AHI1: variants seen among roughly 807,000 people sequenced by gnomAD.
The protein encoded by AHI1 is Abelson helper integration site 1.
A neutral mutation model predicts 149.3 loss-of-function variants in AHI1; 123 were observed. The ratio of observed to expected loss-of-function variants is 0.82; its 90% CI spans 0.71 to 0.96. AHI1 has a LOEUF of 0.96. AHI1 is among the 40% of genes least tolerant of loss of function. AHI1 has a pLI of 0.00. For synonymous variants in AHI1, 475 were observed against 459.8 expected (o/e 1.03, Z -0.42); for missense variants, 1,439 against 1,422.7 (o/e 1.01, Z -0.18).
Position 135,284,708 on chromosome 6 carries a change from T to C in AHI1, c.*937A>G, listed in dbSNP as rs187801413. Reference sequence around the variant, plus strand: ...AAGCCTTTTTTAAAAAGTAAAGACATTGGGAACATTGTTGCCAGTCCAGCC... The same window carrying C: ...AAGCCTTTTTTAAAAAGTAAAGACACTGGGAACATTGTTGCCAGTCCAGCC... On this transcript the variant is annotated 3_prime_UTR_variant, in exon 29 of 29. Coordinates refer to ENST00000265602, the MANE Select transcript of AHI1 (RefSeq NM_001134831.2). 1.3e-5 allele frequency: 2 copies of C among 152,196 alleles called. No individual in the cohort carries two copies. Among genetic ancestry groups the C allele is most frequent in the East Asian group, 3.9e-4 (2 of 5,188 alleles). The allele number at this position is 152,196 out of a possible 1,614,324, so 9.4% of individuals were successfully genotyped here. A position where few individuals can be genotyped will look rare whatever the true frequency, so the allele number is the denominator to read the frequency against.
intron 17 of AHI1, among the ~76,000 whole-genome samples, chr6:135,430,813 G>A (rs1784541911): frequency 6.6e-6 from 1 of 151,932 alleles, no homozygotes; most frequent in African/African-American, 2.4e-5. Flanking sequence ...AGACACCAGT[G>A]TTGATAAAAT....
At chr6:135,407,092 G>A (rs2128502719) in intron 21 of AHI1, among the ~76,000 whole-genome samples, 1 of 152,216 alleles carries the variant, frequency 6.6e-6, no homozygotes, top group East Asian at 1.9e-4. Context: ...TGACTAAATG[G>A]TAATGCTCCC....
chr6:135,456,434 C>T (rs544084403), intron 9 of AHI1, among the ~76,000 whole-genome samples: 1 of 151,628 alleles, frequency 6.6e-6, no homozygotes, highest in Non-Finnish European at 1.5e-5. Context: ...GTCCCAGCTA[C>T]GTGGGAGTCT....
chr6:135,323,039 A>G (rs975125026), intron 25 of AHI1, 123 bp downstream of exon 25: 19 of 1,041,680 alleles, frequency 1.8e-5, no homozygotes, highest in Admixed American at 3.2e-5. Context: ...AATGAAAAAC[A>G]ATACCCATTG....
intron 11 of AHI1, 120 bp from the exon 12 acceptor site, chr6:135,448,595 G>T: frequency 1.3e-6 from 1 of 787,802 alleles, no homozygotes; most frequent in Non-Finnish European, 1.8e-6. Context: ...AAATTTCTTA[G>T]TTTTAAAAAG....
At chr6:135,488,615 G>A (rs889514548) in intron 5 of AHI1, among the ~76,000 whole-genome samples, 1 of 152,126 alleles carries the variant, frequency 6.6e-6, no homozygotes, top group Non-Finnish European at 1.5e-5. Context: ...TGATTAACAT[G>A]AGATTTAGAA....
chr6:135,412,427 C>G (rs1318782090), intron 20 of AHI1, among the ~76,000 whole-genome samples: 1 of 152,124 alleles, frequency 6.6e-6, no homozygotes, highest in African/African-American at 2.4e-5. Flanking sequence ...TCTGTTCTCC[C>G]TTATAGATCA....
At chr6:135,468,531 C>A (rs995483563) in intron 5 of AHI1, among the ~76,000 whole-genome samples, 1 of 152,058 alleles carries the variant, frequency 6.6e-6, no homozygotes, top group African/African-American at 2.4e-5. Context: ...TGGTGAAACC[C>A]TATCTCTATC....
intron 10 of AHI1, 54 bp downstream of exon 10, chr6:135,455,680 G>C: frequency 7.9e-7 from 1 of 1,267,356 alleles, no homozygotes; most frequent in East Asian, 2.7e-5. Context: ...GCTTACATTT[G>C]TGCTATTAAA....
chr6:135,363,462 A>ACGGCAACCAT (rs893011953), intron 23 of AHI1, among the ~76,000 whole-genome samples: 1 of 152,190 alleles, frequency 6.6e-6, no homozygotes, highest in African/African-American at 2.4e-5. Context: ...CTACACAGAC[A>ACGGCAACCAT]CGGCAACCAT....
chr6:135,363,440 G>A (rs1794241156), intron 23 of AHI1, among the ~76,000 whole-genome samples: 1 of 152,188 alleles, frequency 6.6e-6, no homozygotes, highest in African/African-American at 2.4e-5. Context: ...AGTCTCCAAT[G>A]TCTACCTCTT....
intron 27 of AHI1, among the ~76,000 whole-genome samples, chr6:135,298,725 T>A (rs1033078469): frequency 2.0e-5 from 3 of 152,214 alleles, no homozygotes; most frequent in African/African-American, 4.8e-5. Flanking sequence ...TTCAGAAGCA[T>A]CTTCAAAAAG....
intron 26 of AHI1, among the ~76,000 whole-genome samples, chr6:135,313,957 T>C (rs2128369650): frequency 6.6e-6 from 1 of 152,316 alleles, no homozygotes; most frequent in East Asian, 1.9e-4. Context: ...GAGTAAAGAC[T>C]GTATGTTTCA....
intron 24 of AHI1, among the ~76,000 whole-genome samples, chr6:135,347,151 G>A (rs1460893544): frequency 6.6e-6 from 1 of 152,196 alleles, no homozygotes; most frequent in Non-Finnish European, 1.5e-5. Flanking sequence ...AGGAAATCAA[G>A]GTCATCTGTT....
intron 20 of AHI1, among the ~76,000 whole-genome samples, chr6:135,411,841 C>T (rs1462904740): frequency 6.6e-6 from 1 of 152,038 alleles, no homozygotes; most frequent in African/African-American, 2.4e-5. Flanking sequence ...AAATCAAAGG[C>T]ATAACAGAAT....
At chr6:135,442,282 C>G (rs1786420202) in intron 14 of AHI1, among the ~76,000 whole-genome samples, 1 of 152,158 alleles carries the variant, frequency 6.6e-6, no homozygotes, top group Non-Finnish European at 1.5e-5. Flanking sequence ...GAGATTTATT[C>G]ATCCTTGTTT....
intron 24 of AHI1, among the ~76,000 whole-genome samples, chr6:135,340,492 T>C (rs1790128851): frequency 6.6e-6 from 1 of 151,062 alleles, no homozygotes; most frequent in African/African-American, 2.4e-5. Flanking sequence ...AACTGATAAT[T>C]CAGAGAGTTT....
intron 3 of AHI1, 177 bp downstream of exon 3, chr6:135,495,637 G>A (rs1215368557): frequency 6.6e-6 from 1 of 152,214 alleles, no homozygotes; most frequent in Non-Finnish European, 1.5e-5. Context: ...CTGGTAAAAT[G>A]TTCTGTAACT....
chr6:135,384,390 T>C (rs954592646), intron 23 of AHI1, among the ~76,000 whole-genome samples: 1 of 152,218 alleles, frequency 6.6e-6, no homozygotes, highest in Non-Finnish European at 1.5e-5. Context: ...CTGTCCTCTA[T>C]TTTCAAATGA....
Sources: gnomAD v4.1 joint callset for allele counts (sites outside exome capture counted in the v4.1 genomes callset) on GRCh38, gnomAD v4.1.1 for gene constraint, MANE v1.5 for transcripts, NCBI Gene and HGNC (gene_info 2026-07-23, HGNC 2026-07-21) for gene names.